Variants in CASK observed in about 807,000 individuals in gnomAD.
CASK encodes the protein calcium/calmodulin dependent serine protein kinase.
CASK carries 4 observed loss-of-function variants against 82.9 expected under a neutral mutation model. That is an observed-to-expected ratio of 0.05 (90% CI 0.02 to 0.11). The LOEUF (loss-of-function observed/expected upper bound fraction) is 0.11. Among genes scored for constraint, CASK ranks in the 10% least tolerant of loss-of-function variants. The probability of loss-of-function intolerance (pLI) is 1.00; values close to 1 mark genes in which losing one functional copy is unlikely to be tolerated. For synonymous variants in CASK, 259 were observed against 253.5 expected, an observed-to-expected ratio of 1.02 and a Z score of -0.20; for missense variants, 358 against 720.9, an observed-to-expected ratio of 0.50 and a Z score of 5.76.
chrX:41,531,908 C>T (rs1198240678), intron 24 of CASK, among the ~76,000 whole-genome samples: 1 of 112,182 alleles, frequency 8.9e-6, no homozygotes, highest in Non-Finnish European at 1.9e-5. Flanking sequence ...GCTTATGGGC[C>T]AAACATGGTC....
intron 5 of CASK, among the ~76,000 whole-genome samples, chrX:41,715,786 C>T (rs2068053019): frequency 8.9e-6 from 1 of 111,851 alleles, no homozygotes; most frequent in Admixed American, 9.5e-5. Flanking sequence ...TTCTTTTGCA[C>T]CATCTTAGGC....
chrX:41,683,993 G>A (rs1327025135), intron 5 of CASK, among the ~76,000 whole-genome samples: 1 of 111,797 alleles, frequency 8.9e-6, no homozygotes, highest in Non-Finnish European at 1.9e-5. Flanking sequence ...CTATGCTGAT[G>A]TAAATAAATA....
chrX:41,680,404 C>CCCA (rs2067332273), intron 5 of CASK, among the ~76,000 whole-genome samples: 2 of 107,617 alleles, frequency 1.9e-5, no homozygotes, highest in Non-Finnish European at 3.8e-5. Context: ...ATCGCTTGAA[C>CCCA]CCAGGAGGCG....
At chrX:41,590,510 CAAAAAAAAAAAA>C (rs763695085) in intron 12 of CASK, among the ~76,000 whole-genome samples, 2 of 31,321 alleles carry the variant, frequency 6.4e-5, no homozygotes, top group Non-Finnish European at 1.1e-4. Context: ...ATTCCGTCTC[CAAAAAAAAAAAA>C]AAAAAAAAAA....
intron 17 of CASK, among the ~76,000 whole-genome samples, chrX:41,561,087 G>T (rs1047551227): frequency 9.0e-6 from 1 of 110,680 alleles, no homozygotes; most frequent in African/African-American, 3.3e-5. Context: ...AGCCTAATTT[G>T]AATACAGATT....
intron 22 of CASK, among the ~76,000 whole-genome samples, chrX:41,536,719 A>G (rs1369353842): frequency 8.9e-6 from 1 of 112,246 alleles, no homozygotes; most frequent in Non-Finnish European, 1.9e-5. Context: ...TCTTTAAAGC[A>G]TATCCTCTAG....
intron 8 of CASK, among the ~76,000 whole-genome samples, chrX:41,653,283 T>C (rs1431098111): frequency 8.9e-6 from 1 of 111,775 alleles, no homozygotes; most frequent in African/African-American, 3.3e-5. Context: ...TGAGGAACCT[T>C]TGATTCCTGG....
chrX:41,889,450 T>C (rs1041748434), intron 1 of CASK, among the ~76,000 whole-genome samples: 1 of 111,496 alleles, frequency 9.0e-6, no homozygotes, highest in Non-Finnish European at 1.9e-5. Flanking sequence ...TATTTCTTCT[T>C]TGGAGAATTG....
intron 12 of CASK, among the ~76,000 whole-genome samples, chrX:41,596,784 C>G (rs943451388): frequency 8.9e-6 from 1 of 112,129 alleles, no homozygotes; most frequent in Non-Finnish European, 1.9e-5. Flanking sequence ...TAGGCCTGCT[C>G]TCTGCAAATC....
intron 1 of CASK, among the ~76,000 whole-genome samples, chrX:41,877,842 C>T (rs2071857397): frequency 9.0e-6 from 1 of 110,717 alleles, no homozygotes; most frequent in South Asian, 3.8e-4. Context: ...GGTAATATAG[C>T]ACAAAGGTAT....
intron 25 of CASK, among the ~76,000 whole-genome samples, chrX:41,528,410 C>T (rs1766019467): frequency 8.9e-6 from 1 of 112,340 alleles, no homozygotes; most frequent in South Asian, 3.6e-4. Flanking sequence ...AATTGGGCCT[C>T]AGTTGTCTGA....
At chrX:41,873,283 C>CAAAAAA (rs1175165867) in intron 1 of CASK, among the ~76,000 whole-genome samples, 1 of 31,294 alleles carries the variant, frequency 3.2e-5, no homozygotes, top group Non-Finnish European at 5.5e-5. Flanking sequence ...TTCTTCCTCA[C>CAAAAAA]AAAAAAAAAA....
At chrX:41,803,709 A>G (rs2070053178) in intron 2 of CASK, among the ~76,000 whole-genome samples, 1 of 112,356 alleles carries the variant, frequency 8.9e-6, no homozygotes, top group Non-Finnish European at 1.9e-5. Flanking sequence ...AAATATGAAT[A>G]TTATAAAAAT....
intron 2 of CASK, among the ~76,000 whole-genome samples, chrX:41,830,435 C>A (rs2070769037): frequency 9.0e-6 from 1 of 111,275 alleles, no homozygotes; most frequent in Non-Finnish European, 1.9e-5. Context: ...ACTACCATAA[C>A]TAATTATATG....
intron 5 of CASK, among the ~76,000 whole-genome samples, chrX:41,719,500 G>A (rs925284049): frequency 8.9e-6 from 1 of 112,084 alleles, no homozygotes; most frequent in African/African-American, 3.2e-5. Flanking sequence ...TCTTAAAAGC[G>A]TTTGAAATGC....
At chrX:41,897,797 G>A (rs1601952545) in intron 1 of CASK, among the ~76,000 whole-genome samples, 1 of 111,760 alleles carries the variant, frequency 8.9e-6, no homozygotes, top group East Asian at 2.8e-4. Flanking sequence ...ATAGAGAAAA[G>A]AGTCTCTTCA....
chrX:41,913,191 T>C (rs932069452), intron 1 of CASK, among the ~76,000 whole-genome samples: 4 of 111,630 alleles, frequency 3.6e-5, no homozygotes, highest in African/African-American at 1.3e-4. Flanking sequence ...AATAACTCAT[T>C]TGAGCTCCCT....
chrX:41,697,449 G>C (rs1187015123), intron 5 of CASK, among the ~76,000 whole-genome samples: 1 of 112,254 alleles, frequency 8.9e-6, no homozygotes, highest in Non-Finnish European at 1.9e-5. Flanking sequence ...GTTTGATAAA[G>C]TAACATTGAA....
chrX:41,786,746 T>G lies in CASK; in HGVS notation c.278+432A>C, dbSNP rs182888132. 916 of 158,687 alleles carry G rather than the reference T, an allele frequency of 5.8e-3. 21 individuals are homozygous for G. In the Admixed American group the frequency reaches 0.065, roughly 11 times the overall value. 13.1% of individuals were successfully genotyped at this position (158,687 alleles called of 1,213,427 possible). The stretch of plus-strand genomic sequence containing the variant: ...ATTGAAATCAAGATACACTGTGATC[T>G]ATAAAATTGCCCTTATATGCCATAT... On this transcript the variant is annotated intron_variant, in intron 3 of 26. Transcript: ENST00000378163.
Sources: gnomAD v4.1 joint callset for allele counts (sites outside exome capture counted in the v4.1 genomes callset) on GRCh38, gnomAD v4.1.1 for gene constraint, MANE v1.5 for transcripts, NCBI Gene and HGNC (gene_info 2026-07-23, HGNC 2026-07-21) for gene names.